CDH4: variants seen among roughly 807,000 people sequenced by gnomAD.
CDH4 encodes cadherin 4.
A neutral mutation model predicts 86.0 loss-of-function variants in CDH4; 33 were observed. The ratio of observed to expected loss-of-function variants is 0.38; its 90% CI spans 0.29 to 0.51. The LOEUF (loss-of-function observed/expected upper bound fraction) is 0.51, where lower values mean the gene tolerates loss of function less well. CDH4 is among the 20% of genes least tolerant of loss of function. The pLI is 0.86. For missense variants in CDH4, 1,114 were observed against 1,307.4 expected (o/e 0.85, Z 2.28); for synonymous variants, 555 against 549.4 (o/e 1.01, Z -0.14).
intron 1 of CDH4, 143 bp from the exon 2 acceptor site, chr20:61,254,683 G>A: frequency 1.5e-6 from 1 of 664,534 alleles, no homozygotes; most frequent in East Asian, 2.6e-5. Flanking sequence ...AGCAGACGGG[G>A]TATCGCGTCT....
At position 61,642,078 on chromosome 20, in the gene CDH4, C is replaced by T. The variant is rs1248202106; in HGVS notation, c.170-101485C>T. On this transcript the variant is annotated intron_variant, in intron 2 of 15. Coordinates refer to ENST00000614565, the MANE Select transcript of CDH4 (RefSeq NM_001794.5). ...GGATCAGATGGGGCTGCCTGACCCACCAGGCACCACAGCACCCAGGACCAC... is the reference window on the plus strand; with the variant it reads ...GGATCAGATGGGGCTGCCTGACCCATCAGGCACCACAGCACCCAGGACCAC... Among the ~76,000 whole-genome samples the T allele has an allele frequency of 3.3e-5, 5 of 151,570 alleles. 2 individuals carry two copies. Among genetic ancestry groups the T allele is most frequent in the African/African-American group, 9.7e-5 (4 of 41,222 alleles).
Position 61,517,354 on chromosome 20 carries a change from G to A in CDH4, c.170-226209G>A, listed in dbSNP as rs1387885390. Among the ~76,000 whole-genome samples the A allele has an allele frequency of 6.6e-6, 1 of 152,140 alleles. No individual in the cohort carries two copies. The highest frequency in any genetic ancestry group is 1.5e-5 in the Non-Finnish European group (1 of 68,032). The stretch of plus-strand genomic sequence containing the variant: ...GGGCCACAGGTGCACACCACCTTGT[G>A]CAGCTAATTTTTTTACTTTTTGTAG... On this transcript the variant is annotated intron_variant, in intron 2 of 15. Transcript: ENST00000614565. This position sits in a 1 kb window ranked among gnomAD's most constrained non-coding sequence, Gnocchi z 6.6.
chr20:61,887,456 C>T (rs544560443), intron 7 of CDH4, among the ~76,000 whole-genome samples: 1 of 152,378 alleles, frequency 6.6e-6, no homozygotes, highest in South Asian at 2.1e-4. Context: ...CAGAGGTGCA[C>T]ACATACACGT....
At position 61,708,372 on chromosome 20, in the gene CDH4, C is replaced by T. The variant is rs1198000392; in HGVS notation, c.170-35191C>T. On this transcript the variant is annotated intron_variant, in intron 2 of 15. Transcript: ENST00000614565. The surrounding 1 kb of genome is among the most constrained non-coding windows in gnomAD (Gnocchi z 4.5). ...CTCCTAACTGGGTTGGGGCACCACC[C>T]TCCACTCTCCACGTTGGCTGCCTCA... Among the ~76,000 whole-genome samples the T allele has an allele frequency of 6.6e-6, 1 of 152,036 alleles. No individual in the cohort carries two copies. Among genetic ancestry groups the T allele is most frequent in the African/African-American group, 2.4e-5 (1 of 41,392 alleles).
At chr20:61,315,410 G>C (rs556062189) in intron 2 of CDH4, among the ~76,000 whole-genome samples, 1 of 152,172 alleles carries the variant, frequency 6.6e-6, no homozygotes, top group Non-Finnish European at 1.5e-5. Flanking sequence ...GGACAGGTGG[G>C]TGCCCTGATA....
intron 2 of CDH4, among the ~76,000 whole-genome samples, chr20:61,486,831 AT>A (rs1182155812): frequency 6.6e-6 from 1 of 152,160 alleles, no homozygotes; most frequent in Non-Finnish European, 1.5e-5. Context: ...CAAGGTTCCA[AT>A]GAACTATGAT....
intron 5 of CDH4, among the ~76,000 whole-genome samples, chr20:61,851,138 A>G: frequency 6.6e-6 from 1 of 152,206 alleles, no homozygotes; most frequent in East Asian, 1.9e-4. Context: ...CAGCAACCCC[A>G]CAGCACTTCA....
chr20:61,762,741 C>T (rs1600960277), intron 3 of CDH4, among the ~76,000 whole-genome samples: 1 of 152,238 alleles, frequency 6.6e-6, no homozygotes, highest in South Asian at 2.1e-4. Context: ...CCTTGTCTCT[C>T]AGCATTGCGG....
chr20:61,804,057 C>T (rs899175567), intron 4 of CDH4, among the ~76,000 whole-genome samples: 1 of 152,262 alleles, frequency 6.6e-6, no homozygotes, highest in African/African-American at 2.4e-5. Context: ...GAGGCGCCTG[C>T]TCTCCACACG....
chr20:61,894,895 G>T lies in CDH4; in HGVS notation c.1051-15G>T, dbSNP rs201949663. ...CTGATTTTCTGTTCTTTCTCAACTG[G>T]TGTCTCCCTTCCAGAAAGTTCAGCA... is the stretch of plus-strand genomic sequence containing the variant. On this transcript the variant is annotated splice_polypyrimidine_tract_variant and intron_variant, in intron 7 of 15. Coordinates refer to ENST00000614565, the MANE Select transcript of CDH4 (RefSeq NM_001794.5). 6.2e-7 allele frequency: 1 copy of T among 1,607,204 alleles called. No homozygotes were observed. The highest frequency in any genetic ancestry group is 1.7e-5 in the Admixed American group (1 of 58,566).
intron 6 of CDH4, among the ~76,000 whole-genome samples, chr20:61,864,905 C>T (rs967548068): frequency 6.6e-6 from 1 of 152,188 alleles, no homozygotes; most frequent in Non-Finnish European, 1.5e-5. Flanking sequence ...GGGCCACTCT[C>T]CTGCCCTGTC....
At chr20:61,380,998 G>A (rs546771214) in intron 2 of CDH4, among the ~76,000 whole-genome samples, 7 of 152,310 alleles carry the variant, frequency 4.6e-5, no homozygotes, top group South Asian at 2.1e-4. Flanking sequence ...TACAAGCTAC[G>A]CAGCGTGACA....
At chr20:61,343,994 C>T (rs922354259) in intron 2 of CDH4, among the ~76,000 whole-genome samples, 2 of 152,012 alleles carry the variant, frequency 1.3e-5, no homozygotes, top group South Asian at 2.1e-4. Flanking sequence ...ATTGTACCTA[C>T]GTGAAGAATG....
intron 2 of CDH4, among the ~76,000 whole-genome samples, chr20:61,610,030 C>G (rs1423483474): frequency 1.3e-5 from 2 of 152,152 alleles, no homozygotes. Flanking sequence ...TTGAAACATA[C>G]AAAAAATGAT....
intron 2 of CDH4, among the ~76,000 whole-genome samples, chr20:61,492,911 G>A (rs562574701): frequency 1.3e-5 from 2 of 152,330 alleles, no homozygotes; most frequent in South Asian, 2.1e-4. Context: ...AAGCAGCCAT[G>A]AAAGATGAGG....
At chr20:61,610,574 G>A (rs144750458) in intron 2 of CDH4, among the ~76,000 whole-genome samples, 86 of 152,204 alleles carry the variant, frequency 5.7e-4, no homozygotes, top group African/African-American at 1.6e-3. Flanking sequence ...AGGAGCCTCC[G>A]TGCTGTTCTG....
chr20:61,582,625 C>A lies in CDH4; in HGVS notation c.170-160938C>A, dbSNP rs941736333. ...AGAGCTTCTTCCGTCCCCTGCAGGGCCTGGTGCGGTGGAGCCCAGGCAGTG... is the reference window on the plus strand; with the variant it reads ...AGAGCTTCTTCCGTCCCCTGCAGGGACTGGTGCGGTGGAGCCCAGGCAGTG... On this transcript the variant is annotated intron_variant, in intron 2 of 15. Coordinates refer to ENST00000614565, the MANE Select transcript of CDH4 (RefSeq NM_001794.5). This position sits in a 1 kb window ranked among gnomAD's most constrained non-coding sequence, Gnocchi z 4.2. Among the ~76,000 whole-genome samples, 1 of 152,204 alleles carries A rather than the reference C, an allele frequency of 6.6e-6. No individual in the cohort carries two copies. The highest frequency in any genetic ancestry group is 1.5e-5 in the Non-Finnish European group (1 of 68,034).
chr20:61,889,432 G>A (rs558844752), intron 7 of CDH4, among the ~76,000 whole-genome samples: 1 of 112,628 alleles, frequency 8.9e-6, no homozygotes, highest in East Asian at 2.2e-4. Flanking sequence ...GGTGATAGAT[G>A]AATGGATGAT....
intron 4 of CDH4, among the ~76,000 whole-genome samples, chr20:61,795,021 G>A (rs886795078): frequency 1.3e-5 from 2 of 149,428 alleles, no homozygotes; most frequent in African/African-American, 5.0e-5. Context: ...GGTGATAAAG[G>A]TGGGAGTGGT....
Sources: allele counts gnomAD v4.1 joint callset (sites outside exome capture counted in the v4.1 genomes callset), GRCh38; gene constraint gnomAD v4.1.1; non-coding constraint Gnocchi (gnomAD v3.1); transcripts MANE v1.5; gene names NCBI Gene and HGNC (gene_info 2026-07-23, HGNC 2026-07-21).